The following SDR42E1 variants were observed in gnomAD, a reference collection of about 807,000 sequenced individuals.
SDR42E1 encodes short chain dehydrogenase/reductase family 42E, member 1.
A neutral mutation model predicts 2.6 loss-of-function variants in SDR42E1; 5 were observed. The observed-to-expected ratio is 1.94, with a 90% CI of 1.01 to 4.08. SDR42E1 has a LOEUF of 4.08. SDR42E1 is among the 30% of genes most tolerant of loss of function. The pLI is 0.00. For synonymous variants in SDR42E1, 231 were observed against 188.3 expected (o/e 1.23, Z -1.86); for missense variants, 596 against 478.6 (o/e 1.25, Z -2.29).
rs1912593940 is a variant in SDR42E1, at chr16:81,998,177, C to A, written c.*934G>T. The A allele has an allele frequency of 1.3e-5, 2 of 152,212 alleles. No individual in the cohort carries two copies. The highest frequency in any genetic ancestry group is 2.1e-4 in the South Asian group (1 of 4,834). 9.4% of individuals were successfully genotyped at this position (152,212 alleles called of 1,614,324 possible). On this transcript the variant is annotated 3_prime_UTR_variant, in exon 3 of 3. Coordinates refer to ENST00000328945, the MANE Select transcript of SDR42E1 (RefSeq NM_145168.3). ...CAATCTTCTTCCCAGTAAGAAAACC[C>A]ATCTATGAGTTTAGAGCTCTGCTTC...
In SDR42E1 at chr16:82,000,219, C is replaced by G. The variant is rs1912710302; in HGVS notation, c.74G>C (p.Gly25Ala). Residue 25 changes from glycine to alanine, a missense_variant, in exon 3 of 3, where the codon GGC becomes GCC. Transcript: ENST00000328945. Reference sequence around the variant, plus strand: ...GACTCCATTTTGGTTCAGGGCACAGCCCAGGCTGAAATAAGAAACAGTAAA... The same window carrying G: ...GACTCCATTTTGGTTCAGGGCACAGGCCAGGCTGAAATAAGAAACAGTAAA... Reference protein sequence around the residue: ...GGSGYFGFRLGCALNQNGVHV... With the variant: ...GGSGYFGFRLACALNQNGVHV... The G allele has an allele frequency of 6.2e-7, 1 of 1,605,572 alleles. No individual in the cohort carries two copies. Among genetic ancestry groups the G allele is most frequent in the Non-Finnish European group, 8.5e-7 (1 of 1,177,496 alleles).
chr16:82,000,687 G>T, intron 2 of SDR42E1, 104 bp downstream of exon 2: 2 of 833,786 alleles, frequency 2.4e-6, no homozygotes. Context: ...TTTCTGGTTT[G>T]ACATTACACA....
intron 1 of SDR42E1, among the ~76,000 whole-genome samples, chr16:82,004,418 T>A (rs919891854): frequency 2.6e-5 from 4 of 152,226 alleles, no homozygotes; most frequent in Admixed American, 1.3e-4. Flanking sequence ...AACTGAAGCA[T>A]GGAGCTGATG....
chr16:82,003,790 T>C (rs1478811449), intron 1 of SDR42E1, among the ~76,000 whole-genome samples: 1 of 152,244 alleles, frequency 6.6e-6, no homozygotes, highest in East Asian at 1.9e-4. Flanking sequence ...CACAGAATGT[T>C]AAGTTCTATG....
In SDR42E1 at chr16:81,998,285, G is replaced by C. The variant is rs1418924628; in HGVS notation, c.*826C>G. 1 of 152,122 alleles carries C rather than the reference G, an allele frequency of 6.6e-6. No homozygotes were observed. Among genetic ancestry groups the C allele is most frequent in the African/African-American group, 2.4e-5 (1 of 41,420 alleles). 9.4% of individuals were successfully genotyped at this position (152,122 alleles called of 1,614,324 possible). ...GTTGCTTCATTGTGGCCTTCTTAGA[G>C]GCCTAAACTTTACAAATAGAGTATA... On this transcript the variant is annotated 3_prime_UTR_variant, in exon 3 of 3. Transcript: ENST00000328945.
At chr16:82,006,151 T>C (rs79085482) in intron 1 of SDR42E1, among the ~76,000 whole-genome samples, 2,764 of 152,156 alleles carry the variant, frequency 0.018, 78 homozygotes, top group African/African-American at 0.063. Flanking sequence ...CAATAGAAAG[T>C]ATGGAACAGC....
chr16:82,005,654 C>G (rs1192472781), intron 1 of SDR42E1, among the ~76,000 whole-genome samples: 1 of 152,184 alleles, frequency 6.6e-6, no homozygotes, highest in Non-Finnish European at 1.5e-5. Context: ...TAGTTTCTAT[C>G]TGATTCCTTC....
rs1004857400 is a variant in SDR42E1 at position 81,996,189 on chromosome 16, A to G, written c.*2922T>C. On this transcript the variant is annotated 3_prime_UTR_variant, in exon 3 of 3. Transcript: ENST00000328945. ...AAGTTTTCAGCAGAGAAGTGACAAA[A>G]GATTTGCACCTTTATAGAGTCTCTT... The G allele has an allele frequency of 2.0e-5, 3 of 152,246 alleles. No homozygotes were observed. Among genetic ancestry groups the G allele is most frequent in the African/African-American group, 7.2e-5 (3 of 41,462 alleles). The allele number at this position is 152,246 out of a possible 1,614,324, so 9.4% of individuals were successfully genotyped here.
At position 81,999,821 on chromosome 16, in the gene SDR42E1, T is replaced by C. The variant is rs542979442; in HGVS notation, c.472A>G (p.Ile158Val). The C allele has an allele frequency of 1.4e-5, 23 of 1,614,200 alleles. No individual in the cohort carries two copies. Among genetic ancestry groups the C allele is most frequent in the African/African-American group, 6.7e-5 (5 of 75,040 alleles). The change falls in exon 3 of 3, where the codon ATT becomes GTT. Residue 158 changes from isoleucine to valine, a missense_variant. Physicochemically the swap from Ile to Val is conservative, Grantham distance 29 (BLOSUM62 3). Coordinates refer to ENST00000328945, the MANE Select transcript of SDR42E1 (RefSeq NM_145168.3). ...GCCTCCAGCACCTTCTGCTCTGCAA[T>C]TGACTTTGTCCGAGAGTAGTGATCA... ...HPDHYSRTKS[I>V]AEQKVLEANA... is the part of the protein sequence containing the mutation.
In SDR42E1 at chr16:81,996,903, G is replaced by C. The variant is rs766080428; in HGVS notation, c.*2208C>G. The C allele has an allele frequency of 5.3e-5, 8 of 152,204 alleles. No homozygotes were observed. Among genetic ancestry groups the C allele is most frequent in the South Asian group, 2.1e-4 (1 of 4,828 alleles). 9.4% of individuals were successfully genotyped at this position (152,204 alleles called of 1,614,324 possible). A position where few individuals can be genotyped will look rare whatever the true frequency, so the allele number is the denominator to read the frequency against. ...ACGGCTAACCTGTGTAAACACCCGAGACTGTGGAAACGACAGTGCATGGCT... is the reference window on the plus strand; with the variant it reads ...ACGGCTAACCTGTGTAAACACCCGACACTGTGGAAACGACAGTGCATGGCT... On this transcript the variant is annotated 3_prime_UTR_variant, in exon 3 of 3. Coordinates refer to ENST00000328945, the MANE Select transcript of SDR42E1 (RefSeq NM_145168.3).
In SDR42E1 at chr16:81,996,103, C is replaced by A. The variant is rs1912535104; in HGVS notation, c.*3008G>T. 1 of 152,220 alleles carries A rather than the reference C, an allele frequency of 6.6e-6. No homozygotes were observed. The highest frequency in any genetic ancestry group is 6.5e-5 in the Admixed American group (1 of 15,284). 9.4% of individuals were successfully genotyped at this position (152,220 alleles called of 1,614,324 possible). On this transcript the variant is annotated 3_prime_UTR_variant, in exon 3 of 3. Coordinates refer to ENST00000328945, the MANE Select transcript of SDR42E1 (RefSeq NM_145168.3). ...ATAATGTGAGATGAAGTTAGAGAGA[C>A]AGGCAAGGGGCCAGTTCAGACAAAG...
At chr16:82,005,039 G>C (rs978027779) in intron 1 of SDR42E1, among the ~76,000 whole-genome samples, 1 of 152,220 alleles carries the variant, frequency 6.6e-6, no homozygotes, top group African/African-American at 2.4e-5. Context: ...ATCTCTGTAA[G>C]AATTCCACCA....
chr16:81,994,376 AG>A lies in SDR42E1; in HGVS notation c.*4734del, dbSNP rs1401071837. 7 of 152,250 alleles carry A rather than the reference AG, an allele frequency of 4.6e-5. No individual in the cohort carries two copies. Among genetic ancestry groups the A allele is most frequent in the Admixed American group, 6.5e-5 (1 of 15,284 alleles). 9.4% of individuals were successfully genotyped at this position (152,250 alleles called of 1,614,324 possible). A position where few individuals can be genotyped will look rare whatever the true frequency, so the allele number is the denominator to read the frequency against. The stretch of plus-strand genomic sequence containing the variant: ...CCCCAGAGAAGCAATCCTAGCTGAA[AG>A]GGTTTCTCTAAACCTGCTCTGGGAG... On this transcript the variant is annotated 3_prime_UTR_variant, in exon 3 of 3. Transcript: ENST00000328945.
rs1444871794 is a variant in SDR42E1, at chr16:81,996,405, G to A, written c.*2706C>T. ...GTGTCAAGTCTGGGAGAGGGCAGGG[G>A]TCAGGGATTATCCCAGATCTCTGGG... On this transcript the variant is annotated 3_prime_UTR_variant, in exon 3 of 3. Coordinates refer to ENST00000328945, the MANE Select transcript of SDR42E1 (RefSeq NM_145168.3). 3.3e-5 allele frequency: 5 copies of A among 152,176 alleles called. No homozygotes were observed. Among genetic ancestry groups the A allele is most frequent in the Non-Finnish European group, 7.3e-5 (5 of 68,046 alleles). The allele number at this position is 152,176 out of a possible 1,614,324, so 9.4% of individuals were successfully genotyped here.
chr16:82,000,162 G>A lies in SDR42E1; in HGVS notation c.131C>T (p.Ala44Val), dbSNP rs1912707039. 6.2e-7 allele frequency: 1 copy of A among 1,613,516 alleles called. No individual in the cohort carries two copies. Among genetic ancestry groups the A allele is most frequent in the South Asian group, 1.1e-5 (1 of 91,088 alleles). Residue 44 changes from alanine (A) to valine (V), a missense_variant, in exon 3 of 3, where the codon GCT becomes GTT. Physicochemically the swap from Ala to Val is moderately conservative, Grantham distance 64. Coordinates refer to ENST00000328945, the MANE Select transcript of SDR42E1 (RefSeq NM_145168.3). ...HVILFDISSP[A>V]QTIPEGIKFI... ...CTTGATTCCTTCTGGAATGGTTTGA[G>A]CAGGGCTGCTGATGTCAAACAGAAT... is the stretch of plus-strand genomic sequence containing the variant.
At chr16:82,007,541 T>G (rs538174225) in intron 1 of SDR42E1, 23 of 152,312 alleles carry the variant, frequency 1.5e-4, no homozygotes, top group African/African-American at 4.8e-4. Flanking sequence ...AGAGCAGGGA[T>G]CTGTACCAAT....
rs75322931 is a variant in SDR42E1, at chr16:82,003,047, C to T, written c.-26-2163G>A. On this transcript the variant is annotated intron_variant, in intron 1 of 2. Coordinates refer to ENST00000328945, the MANE Select transcript of SDR42E1 (RefSeq NM_145168.3). ...TATTAAGACTGCCAATGAAGCGAAT[C>T]AGATCACTTATGCAGAGTCAGTCAG... Among the ~76,000 whole-genome samples the T allele has an allele frequency of 7.4e-3, 1,127 of 152,210 alleles. 29 individuals are homozygous for T. The highest frequency in any genetic ancestry group is 0.049 in the East Asian group (256 of 5,178).
chr16:82,005,667 G>C (rs758505330), intron 1 of SDR42E1, among the ~76,000 whole-genome samples: 1 of 152,100 alleles, frequency 6.6e-6, no homozygotes, highest in South Asian at 2.1e-4. Flanking sequence ...ATTCCTTCTA[G>C]GGCTGGGCAC....
intron 1 of SDR42E1, among the ~76,000 whole-genome samples, chr16:82,001,961 TAC>T (rs375862551): frequency 0.017 from 2,253 of 136,334 alleles, 37 homozygotes; most frequent in African/African-American, 0.045. Context: ...TGGGTGCGTA[TAC>T]ACACACACAC....
Sources: gnomAD v4.1 joint callset for allele counts (sites outside exome capture counted in the v4.1 genomes callset) on GRCh38, gnomAD v4.1.1 for gene constraint, MANE v1.5 for transcripts, NCBI Gene and HGNC (gene_info 2026-07-23, HGNC 2026-07-21) for gene names.